The following PLEKHG1 variants were observed in gnomAD, a reference collection of about 807,000 sequenced individuals.
PLEKHG1 encodes pleckstrin homology domain-containing family G member 1.
In PLEKHG1, 44 loss-of-function variants were observed where a neutral mutation model predicts 100.8. That is an observed-to-expected ratio of 0.44 (90% confidence interval 0.34 to 0.56). The LOEUF (loss-of-function observed/expected upper bound fraction) is 0.56. PLEKHG1 is among the 20% of genes least tolerant of loss of function. The pLI is 0.01. For missense variants in PLEKHG1, 1,545 were observed against 1,720.9 expected (o/e 0.90, Z 1.81); for synonymous variants, 640 against 662.5 (o/e 0.97, Z 0.52).
intron 1 of PLEKHG1, among the ~76,000 whole-genome samples, chr6:150,634,103 G>C (rs944864498): frequency 6.6e-6 from 1 of 151,878 alleles, no homozygotes; most frequent in Admixed American, 6.6e-5. Context: ...AAAAATCCGG[G>C]CGTGGTGGCA....
chr6:150,777,834 G>C (rs990835292), intron 3 of PLEKHG1, among the ~76,000 whole-genome samples: 2 of 152,274 alleles, frequency 1.3e-5, no homozygotes, highest in Non-Finnish European at 2.9e-5. Flanking sequence ...GTGCACATGT[G>C]CTGTTGCACG....
Position 150,740,520 on chromosome 6 carries a change from A to G in PLEKHG1, c.411+6428A>G, listed in dbSNP as rs553244986. On this transcript the variant is annotated intron_variant, in intron 2 of 15. Transcript: ENST00000358517. Reference sequence around the variant, plus strand: ...TCTCTCCATATTTTCCCTCCAATTTAAATAACATTTATTGGACACTTCTTA... The same window carrying G: ...TCTCTCCATATTTTCCCTCCAATTTGAATAACATTTATTGGACACTTCTTA... 3.9e-5 allele frequency among the ~76,000 whole-genome samples: 6 copies of G among 152,336 alleles called. No homozygotes were observed. In the South Asian group the frequency reaches 1.2e-3, roughly 32 times the overall value.
chr6:150,831,493 G>C lies in PLEKHG1; in HGVS notation c.2382G>C (p.Glu794Asp), dbSNP rs1488428773. The C allele has an allele frequency of 6.2e-7, 1 of 1,614,142 alleles. No homozygotes were observed. The highest frequency in any genetic ancestry group is 2.2e-5 in the East Asian group (1 of 44,872). ...CCCAAGACAGCCTCCAGCTCAGTGA[G>C]GACGAAGCCCCTTACCATCAGGCCA... Residue 794 changes from glutamate to aspartate, a missense_variant, in exon 15 of 16, where the codon GAG becomes GAC. Glu to Asp is a conservative substitution (Grantham distance 45). Coordinates refer to ENST00000358517, the Ensembl canonical transcript of PLEKHG1. The surrounding 1 kb of genome is among the most constrained non-coding windows in gnomAD (Gnocchi z 4.1).
At chr6:150,680,831 T>C (rs1225918230) in intron 3 of PLEKHG1, among the ~76,000 whole-genome samples, 1 of 152,134 alleles carries the variant, frequency 6.6e-6, no homozygotes, top group Admixed American at 6.5e-5. Context: ...AGATAACCCA[T>C]TTGTAGCTTT....
At chr6:150,664,677 G>A (rs1779329941) in intron 3 of PLEKHG1, among the ~76,000 whole-genome samples, 1 of 152,056 alleles carries the variant, frequency 6.6e-6, no homozygotes, top group Non-Finnish European at 1.5e-5. Flanking sequence ...TTCTTCTCTG[G>A]TCCAGGTCGC....
In PLEKHG1 at chr6:150,683,635, C is replaced by T; in HGVS notation, c.-99+32849C>T. On this transcript the variant is annotated intron_variant, in intron 3 of 3. Transcript: ENST00000367326. The surrounding 1 kb of genome is among the most constrained non-coding windows in gnomAD (Gnocchi z 4.0). ...GTTGGGGAAAACCTTGGACACTGTGCATCCACCTGCTATAACTGGCAAACT... is the reference window on the plus strand; with the variant it reads ...GTTGGGGAAAACCTTGGACACTGTGTATCCACCTGCTATAACTGGCAAACT... The T allele has an allele frequency of 2.5e-6, 1 of 406,288 alleles. No individual in the cohort carries two copies. The highest frequency in any genetic ancestry group is 4.4e-6 in the Non-Finnish European group (1 of 228,472). 25.2% of individuals were successfully genotyped at this position (406,288 alleles called of 1,614,324 possible).
intron 15 of PLEKHG1, among the ~76,000 whole-genome samples, chr6:150,834,762 C>T (rs973026615): frequency 2.1e-4 from 32 of 152,122 alleles, no homozygotes; most frequent in African/African-American, 7.7e-4. Flanking sequence ...GGGCTCCTGT[C>T]GACGTTCTCC....
intron 13 of PLEKHG1, among the ~76,000 whole-genome samples, 160 bp from the exon 15 acceptor site, chr6:150,823,494 G>A (rs1776420552): frequency 6.6e-6 from 1 of 152,148 alleles, no homozygotes; most frequent in Admixed American, 6.5e-5. Context: ...AGCTGGGAGA[G>A]CTGACAGGGA....
chr6:150,660,013 C>T (rs1259607190), intron 3 of PLEKHG1, among the ~76,000 whole-genome samples: 1 of 151,582 alleles, frequency 6.6e-6, no homozygotes, highest in Non-Finnish European at 1.5e-5. Context: ...GTTTCAGATA[C>T]AGAGGGTTCC....
intron 3 of PLEKHG1, among the ~76,000 whole-genome samples, chr6:150,688,309 T>G (rs1780213244): frequency 1.4e-5 from 2 of 138,002 alleles, no homozygotes; most frequent in Non-Finnish European, 1.5e-5. Flanking sequence ...TACATTTTCT[T>G]CCTTTGTTTT....
intron 3 of PLEKHG1, among the ~76,000 whole-genome samples, chr6:150,779,597 C>T (rs904598213): frequency 1.6e-4 from 25 of 151,660 alleles, no homozygotes; most frequent in African/African-American, 5.1e-4. Flanking sequence ...CCGCCCGCCT[C>T]GGCCTCCTAA....
intron 1 of PLEKHG1, among the ~76,000 whole-genome samples, chr6:150,624,231 C>T (rs1777419630): frequency 6.6e-6 from 1 of 152,174 alleles, no homozygotes; most frequent in Non-Finnish European, 1.5e-5. Context: ...GTGCTCCAGG[C>T]AGTCTGGAGG....
At chr6:150,656,452 T>C (rs1378038670) in intron 3 of PLEKHG1, among the ~76,000 whole-genome samples, 2 of 152,016 alleles carry the variant, frequency 1.3e-5, no homozygotes, top group Non-Finnish European at 2.9e-5. Flanking sequence ...GAAGGGGACA[T>C]TGTGGTCAAG....
At chr6:150,773,360 C>G (rs373415427) in intron 3 of PLEKHG1, among the ~76,000 whole-genome samples, 47 of 152,198 alleles carry the variant, frequency 3.1e-4, no homozygotes, top group Middle Eastern at 3.4e-3. Context: ...ACAGTGAAAC[C>G]CTGTCTCTAT....
intron 1 of PLEKHG1, among the ~76,000 whole-genome samples, chr6:150,609,282 T>C (rs925977752): frequency 4.5e-4 from 68 of 152,172 alleles, no homozygotes; most frequent in African/African-American, 1.6e-3. Flanking sequence ...ACAAGTACTT[T>C]GAAGAAAATT....
intron 2 of PLEKHG1, among the ~76,000 whole-genome samples, chr6:150,743,071 T>A (rs939472845): frequency 6.6e-6 from 1 of 152,196 alleles, no homozygotes; most frequent in Non-Finnish European, 1.5e-5. Flanking sequence ...TAAGGGAGGA[T>A]GGGAGGTGCA....
At position 150,736,738 on chromosome 6, in the gene PLEKHG1, C is replaced by T. The variant is rs1782581216; in HGVS notation, c.411+2646C>T. Among the ~76,000 whole-genome samples the T allele has an allele frequency of 2.6e-5, 4 of 152,048 alleles. No individual in the cohort carries two copies. The South Asian group carries it at 8.3e-4, about 32-fold the overall frequency. On this transcript the variant is annotated intron_variant, in intron 2 of 15. Coordinates refer to ENST00000358517, the Ensembl canonical transcript of PLEKHG1. ...GAGCCGAGATTGCACCGCTGCACTC[C>T]AGCCTGGGTGACAGAACAAGACTCC...
chr6:150,835,863 A>ATGG (rs993666312), intron 15 of PLEKHG1, among the ~76,000 whole-genome samples: 3 of 152,190 alleles, frequency 2.0e-5, no homozygotes, highest in African/African-American at 7.2e-5. Flanking sequence ...AGTGACTCAC[A>ATGG]CCTCTATTGC....
chr6:150,609,930 A>C (rs1381933313), intron 1 of PLEKHG1, among the ~76,000 whole-genome samples: 1 of 152,128 alleles, frequency 6.6e-6, no homozygotes, highest in African/African-American at 2.4e-5. Context: ...TCCCACGTCC[A>C]GCATCCTCTC....
Sources: gnomAD v4.1 joint callset for allele counts (sites outside exome capture counted in the v4.1 genomes callset) on GRCh38, gnomAD v4.1.1 for gene constraint, Gnocchi (gnomAD v3.1) non-coding constraint, MANE v1.5 for transcripts, NCBI Gene and HGNC (gene_info 2026-07-23, HGNC 2026-07-21) for gene names.